Variants in ATG2B observed in about 807,000 individuals in gnomAD.
ATG2B encodes the protein autophagy-related protein 2 homolog B.
A neutral mutation model predicts 241.3 loss-of-function variants in ATG2B; 121 were observed. The ratio of observed to expected loss-of-function variants is 0.50; its 90% confidence interval spans 0.43 to 0.58. ATG2B has a LOEUF of 0.58. Ranked by LOEUF, ATG2B falls within the 20% of genes least tolerant of loss-of-function variation. ATG2B has a pLI of 0.00. For missense variants in ATG2B, 2,306 were observed against 2,491.6 expected, an observed-to-expected ratio of 0.93 and a Z score of 1.59; for synonymous variants, 858 against 876.6, an observed-to-expected ratio of 0.98 and a Z score of 0.37.
chr14:96,302,133 A>AT, intron 33 of ATG2B, 25 bp from the exon 34 acceptor site: 1 of 1,449,746 alleles, frequency 6.9e-7, no homozygotes, highest in Non-Finnish European at 9.7e-7. Context: ...AGAGAATAAC[A>AT]TTTTTCCCCA....
At chr14:96,318,708 G>T (rs1470864018) in intron 18 of ATG2B, among the ~76,000 whole-genome samples, 1 of 152,088 alleles carries the variant, frequency 6.6e-6, no homozygotes, top group Non-Finnish European at 1.5e-5. Flanking sequence ...CTTTTTCAAA[G>T]AACTACCTGT....
Position 96,362,869 on chromosome 14 carries a change from G to A in ATG2B, c.108C>T (p.Ser36=). 6.2e-7 allele frequency: 1 copy of A among 1,613,332 alleles called. No individual in the cohort carries two copies. Among genetic ancestry groups the A allele is most frequent in the Non-Finnish European group, 8.5e-7 (1 of 1,179,954 alleles). The part of the protein sequence containing the change: ...LQEKLSLEQL[S]LDLYQGTGSL... ...ACCCGGTGCCTTGGTACAGGTCCAGGCTGAGCTGCTCCAGGCTCAGCTTCT... is the reference window on the plus strand; with the variant it reads ...ACCCGGTGCCTTGGTACAGGTCCAGACTGAGCTGCTCCAGGCTCAGCTTCT... Residue 36 remains serine, a synonymous_variant, in exon 1 of 42, where the codon AGC becomes AGT. Coordinates refer to ENST00000359933, the MANE Select transcript of ATG2B (RefSeq NM_018036.7).
Position 96,311,144 on chromosome 14 carries a change from C to T in ATG2B, c.4134G>A (p.Lys1378=), listed in dbSNP as rs1566720913. The part of the protein sequence containing the change: ...DLQTPNKADM[K]PGAFQRRSKV... ...TAGACCTTCTTTGAAAGGCTCCAGGCTTCATATCTGCCTTGTTAGGTGTCT... is the reference window on the plus strand; with the variant it reads ...TAGACCTTCTTTGAAAGGCTCCAGGTTTCATATCTGCCTTGTTAGGTGTCT... Residue 1378 remains lysine (K), a synonymous_variant, in exon 28 of 42, where the codon AAG becomes AAA. Transcript: ENST00000359933. 7 of 1,613,332 alleles carry T rather than the reference C, an allele frequency of 4.3e-6. No individual in the cohort carries two copies. The Middle Eastern group carries it at 6.6e-4, about 152-fold the overall frequency.
chr14:96,362,309 C>T (rs928439049), intron 1 of ATG2B, among the ~76,000 whole-genome samples: 1 of 152,130 alleles, frequency 6.6e-6, no homozygotes, highest in Non-Finnish European at 1.5e-5. Context: ...GAGGCCTTCA[C>T]CTAACTTTCT....
intron 21 of ATG2B, 79 bp downstream of exon 21, chr14:96,316,454 T>C: frequency 7.1e-7 from 1 of 1,411,744 alleles, no homozygotes; most frequent in Non-Finnish European, 9.7e-7. Context: ...CAAAGTTCTG[T>C]TCTCAATAGA....
intron 32 of ATG2B, 119 bp from the exon 33 acceptor site, chr14:96,303,374 C>G: frequency 2.6e-6 from 2 of 762,202 alleles, no homozygotes; most frequent in Non-Finnish European, 3.8e-6. Context: ...CCTCAGCTTA[C>G]AATTCCACCT....
At chr14:96,288,868 T>C (rs574716976) in intron 41 of ATG2B, among the ~76,000 whole-genome samples, 1 of 151,370 alleles carries the variant, frequency 6.6e-6, no homozygotes, top group African/African-American at 2.4e-5. Flanking sequence ...TCAGCAATGC[T>C]TAATACATGT....
intron 34 of ATG2B, among the ~76,000 whole-genome samples, chr14:96,301,555 A>T (rs1005154082): frequency 1.3e-5 from 2 of 152,150 alleles, no homozygotes; most frequent in African/African-American, 4.8e-5. Flanking sequence ...AGTTTTTTTT[A>T]GGGAAAGTCT....
At position 96,335,200 on chromosome 14, in the gene ATG2B, A is replaced by T. The variant is rs563536482; in HGVS notation, c.925-699T>A. Among the ~76,000 whole-genome samples the T allele has an allele frequency of 2.0e-5, 3 of 152,336 alleles. No individual in the cohort carries two copies. In the East Asian group the frequency reaches 5.8e-4, roughly 29 times the overall value. On this transcript the variant is annotated intron_variant, in intron 6 of 41. Coordinates refer to ENST00000359933, the MANE Select transcript of ATG2B (RefSeq NM_018036.7). ...TTATTCTCTATATTACATTCTAAAA[A>T]GCAGAATATCCCTGCCTTACTTTTC... is the stretch of plus-strand genomic sequence containing the variant.
intron 6 of ATG2B, among the ~76,000 whole-genome samples, chr14:96,337,865 A>G (rs1381581478): frequency 6.6e-6 from 1 of 152,138 alleles, no homozygotes; most frequent in African/African-American, 2.4e-5. Flanking sequence ...TGTTGTGGGC[A>G]GTATGGTCAT....
intron 5 of ATG2B, among the ~76,000 whole-genome samples, chr14:96,342,335 G>A (rs1473928890): frequency 2.6e-5 from 4 of 152,052 alleles, no homozygotes; most frequent in Admixed American, 6.5e-5. Flanking sequence ...CTGACCTCAC[G>A]TGATGGGCTG....
Position 96,289,535 on chromosome 14 carries a change from A to T in ATG2B, c.6006+121T>A, listed in dbSNP as rs1360836575. 3.3e-6 allele frequency: 4 copies of T among 1,194,040 alleles called. No individual in the cohort carries two copies. The highest frequency in any genetic ancestry group is 3.6e-6 in the Non-Finnish European group (3 of 842,504). The allele number at this position is 1,194,040 out of a possible 1,614,324, so 74.0% of individuals were successfully genotyped here. A position where few individuals can be genotyped will look rare whatever the true frequency, so the allele number is the denominator to read the frequency against. On this transcript the variant is annotated intron_variant, in intron 41 of 41. Transcript: ENST00000359933. This position sits in a 1 kb window ranked among gnomAD's most constrained non-coding sequence, Gnocchi z 4.3. ...GATATGGGCACATGTTATTAGTGGC[A>T]GTTGCCATTCTGCTCCCAGGGATTT...
intron 29 of ATG2B, among the ~76,000 whole-genome samples, chr14:96,309,184 G>C (rs917475369): frequency 6.6e-6 from 1 of 152,098 alleles, no homozygotes; most frequent in Non-Finnish European, 1.5e-5. Context: ...TCTAAGTACT[G>C]GCACCAGTTT....
intron 29 of ATG2B, among the ~76,000 whole-genome samples, chr14:96,308,219 AATATATATATAC>A (rs1887012957): frequency 5.4e-5 from 4 of 74,036 alleles, no homozygotes; most frequent in African/African-American, 1.9e-4. Flanking sequence ...TAAATACATA[AATATATATATAC>A]ATATATATAT....
At position 96,363,151 on chromosome 14, in the gene ATG2B, G is replaced by A; in HGVS notation, c.-175C>T. On this transcript the variant is annotated 5_prime_UTR_variant, in exon 1 of 42. Transcript: ENST00000359933. Reference sequence around the variant, plus strand: ...CCATCGCCGGCGCCGCACCGCTCGCGCTGGGCCTGGCGGAGGCAAGACGCA... The same window carrying A: ...CCATCGCCGGCGCCGCACCGCTCGCACTGGGCCTGGCGGAGGCAAGACGCA... The A allele has an allele frequency of 4.6e-6, 3 of 657,224 alleles. No individual in the cohort carries two copies. The highest frequency in any genetic ancestry group is 3.9e-5 in the South Asian group (2 of 51,676). The allele number at this position is 657,224 out of a possible 1,614,324, so 40.7% of individuals were successfully genotyped here. A position where few individuals can be genotyped will look rare whatever the true frequency, so the allele number is the denominator to read the frequency against.
intron 14 of ATG2B, among the ~76,000 whole-genome samples, chr14:96,327,592 G>A (rs547456593): frequency 6.6e-5 from 10 of 152,128 alleles, no homozygotes; most frequent in South Asian, 4.1e-4. Flanking sequence ...TTATAAAGTC[G>A]TTATAATCAC....
At position 96,305,661 on chromosome 14, in the gene ATG2B, G is replaced by A; in HGVS notation, c.4661C>T (p.Ser1554Phe). The A allele has an allele frequency of 6.2e-6, 10 of 1,614,176 alleles. No homozygotes were observed. Among genetic ancestry groups the A allele is most frequent in the African/African-American group, 1.3e-5 (1 of 75,060 alleles). ...PVIRYVVKEV[S>F]LVWHLYGGKD... ...TCCTCCATAAAGATGCCAGACAAGA[G>A]AGACCTCCTTCACCACATAGCGAAT... The change falls in exon 31 of 42, where the codon TCT (serine) becomes TTT (phenylalanine). Residue 1554 changes from serine to phenylalanine, a missense_variant. Physicochemically the swap from Ser to Phe is radical, Grantham distance 155. This residue lies in a region of ATG2B where 1,927 missense variants were observed against 2,011.2 expected (regional missense o/e 0.96). Coordinates refer to ENST00000359933, the MANE Select transcript of ATG2B (RefSeq NM_018036.7).
rs760189986 is a variant in ATG2B at position 96,322,525 on chromosome 14, T to C, written c.2736+15A>G. Reference sequence around the variant, plus strand: ...ATAATAGTATTATTCCTTTGTAGCTTGCTCACACTTTTACCTGTTCATTTT... The same window carrying C: ...ATAATAGTATTATTCCTTTGTAGCTCGCTCACACTTTTACCTGTTCATTTT... On this transcript the variant is annotated intron_variant, in intron 17 of 41. Coordinates refer to ENST00000359933, the MANE Select transcript of ATG2B (RefSeq NM_018036.7). 24 of 1,599,764 alleles carry C rather than the reference T, an allele frequency of 1.5e-5. No individual in the cohort carries two copies. The South Asian group carries it at 2.6e-4, about 17-fold the overall frequency.
At chr14:96,358,264 G>A (rs1323085345) in intron 1 of ATG2B, among the ~76,000 whole-genome samples, 2 of 151,868 alleles carry the variant, frequency 1.3e-5, no homozygotes, top group East Asian at 3.9e-4. Context: ...AGTGAAATCC[G>A]GTCTCTACAA....
Sources: allele counts gnomAD v4.1 joint callset (sites outside exome capture counted in the v4.1 genomes callset), GRCh38; gene constraint gnomAD v4.1.1; regional missense constraint gnomAD v4.1.1; non-coding constraint Gnocchi (gnomAD v3.1); transcripts MANE v1.5; gene names NCBI Gene and HGNC (gene_info 2026-07-23, HGNC 2026-07-21).